Variants in MECR observed in about 807,000 individuals in gnomAD.
MECR encodes the protein mitochondrial trans-2-enoyl-CoA reductase.
MECR carries 37 observed loss-of-function variants against 49.1 expected under a neutral mutation model. The observed-to-expected ratio is 0.75, with a 90% confidence interval of 0.58 to 0.99. The LOEUF (loss-of-function observed/expected upper bound fraction) is 0.99. Ranked by LOEUF, MECR falls within the 50% of genes least tolerant of loss-of-function variation. MECR has a pLI of 0.00. For missense variants in MECR, 470 were observed against 479.6 expected (o/e 0.98, Z 0.19); for synonymous variants, 198 against 191.1 (o/e 1.04, Z -0.30).
At chr1:29,181,798 G>C in the MECR span, 1 of 1,483,750 alleles carries the variant, frequency 6.7e-7, no homozygotes, top group East Asian at 2.7e-5. Flanking sequence ...GCCCCCCTTA[G>C]GCGGCGGCGG....
intron 4 of MECR, among the ~76,000 whole-genome samples, chr1:29,204,030 T>C (rs1401758334): frequency 6.6e-6 from 1 of 152,162 alleles, no homozygotes; most frequent in South Asian, 2.1e-4. Context: ...GTTTCACCAA[T>C]GATTGTAACT....
chr1:29,227,776 C>T (rs1041258047), intron 1 of MECR, among the ~76,000 whole-genome samples: 23 of 152,220 alleles, frequency 1.5e-4, no homozygotes, highest in Admixed American at 2.6e-4. Context: ...CTTTCTGTGA[C>T]AGTGTGGTTA....
intron 4 of MECR, among the ~76,000 whole-genome samples, chr1:29,204,531 C>T (rs566592214): frequency 1.3e-5 from 2 of 152,102 alleles, no homozygotes; most frequent in Admixed American, 6.5e-5. Flanking sequence ...GGGTATTTCA[C>T]GAAACTTTGG....
chr1:29,194,505 G>A (rs1248831429), intron 9 of MECR, among the ~76,000 whole-genome samples: 1 of 152,216 alleles, frequency 6.6e-6, no homozygotes, highest in African/African-American at 2.4e-5. Flanking sequence ...ACTGAATGGT[G>A]GGAGGAAAAG....
intron 3 of MECR, among the ~76,000 whole-genome samples, chr1:29,213,122 T>C (rs1384001542): frequency 6.6e-6 from 1 of 152,214 alleles, no homozygotes; most frequent in African/African-American, 2.4e-5. Flanking sequence ...TGTAATACTG[T>C]ATTGTATTAA....
chr1:29,230,633 C>G, intron 1 of MECR, 98 bp downstream of exon 1: 3 of 1,448,134 alleles, frequency 2.1e-6, no homozygotes, highest in Non-Finnish European at 1.9e-6. Flanking sequence ...TCTCTGCCCC[C>G]TTCCTCGGAC....
chr1:29,214,742 G>C (rs1678936984), intron 3 of MECR, among the ~76,000 whole-genome samples: 1 of 152,150 alleles, frequency 6.6e-6, no homozygotes, highest in African/African-American at 2.4e-5. Context: ...TGTGTAATGG[G>C]AACCCAGGAG....
intron 4 of MECR, 146 bp downstream of exon 4, chr1:29,206,616 T>C (rs1182302456): frequency 2.2e-6 from 2 of 908,510 alleles, no homozygotes; most frequent in East Asian, 5.2e-5. Flanking sequence ...TCTTTCTAAG[T>C]GAAAGCAACA....
chr1:29,223,302 GAAGA>G (rs1286776385), intron 1 of MECR: 26 of 985,300 alleles, frequency 2.6e-5, no homozygotes, highest in Non-Finnish European at 1.1e-5. Context: ...AAAGCAGGCA[GAAGA>G]AAGAGCCTTT....
the MECR span, among the ~76,000 whole-genome samples, chr1:29,175,952 G>A: frequency 6.6e-6 from 1 of 151,786 alleles, no homozygotes; most frequent in Non-Finnish European, 1.5e-5. Flanking sequence ...CTGGCAGAAG[G>A]GCTTAAAAAC....
chr1:29,168,022 T>TG, the MECR span, among the ~76,000 whole-genome samples: 3 of 135,546 alleles, frequency 2.2e-5, no homozygotes, highest in Admixed American at 2.2e-4. Context: ...CTTTTTTTTT[T>TG]TTTTTTTAAA....
chr1:29,206,905 C>A lies in MECR; in HGVS notation c.407G>T (p.Gly136Val), dbSNP rs773294539. Reference sequence around the variant, plus strand: ...GAACACAGCCTCGGTCCGCCAGGTTCCTGAGTCAGAAGATGAAGCCAGGAT... The same window carrying A: ...GAACACAGCCTCGGTCCGCCAGGTTACTGAGTCAGAAGATGAAGCCAGGAT... ...DWVIPANAGL[G>V]TWRTEAVFSE... Residue 136 changes from glycine to valine, a missense_variant and splice_region_variant, in exon 4 of 10, where the codon GGA (glycine) becomes GTA (valine). Physicochemically the swap from Gly to Val is moderately radical, Grantham distance 109 (BLOSUM62 -3). Transcript: ENST00000263702. 6.2e-7 allele frequency: 1 copy of A among 1,614,040 alleles called. No homozygotes were observed. Among genetic ancestry groups the A allele is most frequent in the Non-Finnish European group, 8.5e-7 (1 of 1,179,968 alleles).
intron 4 of MECR, among the ~76,000 whole-genome samples, chr1:29,204,541 G>A (rs1410370534): frequency 6.6e-6 from 1 of 152,014 alleles, no homozygotes; most frequent in Non-Finnish European, 1.5e-5. Flanking sequence ...CGAAACTTTG[G>A]TTTCCATTAT....
chr1:29,208,237 C>T (rs558186512), intron 3 of MECR, among the ~76,000 whole-genome samples: 3 of 152,330 alleles, frequency 2.0e-5, no homozygotes, highest in African/African-American at 4.8e-5. Flanking sequence ...GCTGATCCGC[C>T]CGCCTCGGCC....
chr1:29,216,314 G>A (rs1284144115), intron 2 of MECR, among the ~76,000 whole-genome samples, 178 bp from the exon 3 acceptor site: 1 of 152,174 alleles, frequency 6.6e-6, no homozygotes, highest in Non-Finnish European at 1.5e-5. Flanking sequence ...TAGTGTTCAT[G>A]GTTATCATGA....
downstream of MECR, among the ~76,000 whole-genome samples, chr1:29,190,149 C>T (rs867384559): frequency 2.0e-5 from 3 of 150,644 alleles, no homozygotes; most frequent in East Asian, 2.0e-4. Flanking sequence ...CTGAGGCGGG[C>T]GGATCACGAG....
chr1:29,207,014 TGGAAGC>T, intron 3 of MECR, 109 bp from the exon 4 acceptor site: 13 of 1,207,312 alleles, frequency 1.1e-5, no homozygotes, highest in African/African-American at 1.5e-5. Flanking sequence ...TAGCATCCAC[TGGAAGC>T]ATCCAGGATA....
At position 29,216,614 on chromosome 1, in the gene MECR, T is replaced by C; in HGVS notation, c.248A>G (p.Asn83Ser). The C allele has an allele frequency of 6.2e-7, 1 of 1,614,210 alleles. No homozygotes were observed. The highest frequency in any genetic ancestry group is 1.3e-5 in the African/African-American group (1 of 75,058). Residue 83 changes from asparagine to serine, a missense_variant, in exon 2 of 10, where the codon AAT becomes AGT. Transcript: ENST00000263702. The part of the protein sequence containing the change: ...VRVKMLAAPI[N>S]PSDINMIQGN... ...TTGGATCATATTTATGTCAGATGGA[T>C]TGATAGGGGCCGCCAGCATCTTCAC...
At chr1:29,190,903 AAC>A (rs1182256737), downstream of MECR, among the ~76,000 whole-genome samples, 1 of 152,190 alleles carries the variant, frequency 6.6e-6, no homozygotes. Context: ...GATGCAGAGA[AAC>A]AGTGTTTATT....
Sources: allele counts gnomAD v4.1 joint callset (sites outside exome capture counted in the v4.1 genomes callset), GRCh38; gene constraint gnomAD v4.1.1; transcripts MANE v1.5; gene names NCBI Gene and HGNC (gene_info 2026-07-23, HGNC 2026-07-21).